SLC39A11: variants seen among roughly 807,000 people sequenced by gnomAD.
SLC39A11 encodes the protein zinc transporter ZIP11.
SLC39A11 carries 33 observed loss-of-function variants against 36.1 expected under a neutral mutation model. The observed-to-expected ratio is 0.91, with a 90% CI of 0.69 to 1.22. SLC39A11 has a LOEUF of 1.22. Among genes scored for constraint, SLC39A11 ranks in the 50% most tolerant of loss-of-function variants. SLC39A11 has a pLI of 0.00. For synonymous variants in SLC39A11, 166 were observed against 170.3 expected, an observed-to-expected ratio of 0.97 and a Z score of 0.20; for missense variants, 432 against 430.3, an observed-to-expected ratio of 1.00 and a Z score of -0.03.
chr17:72,964,664 C>G (rs2086837105), intron 4 of SLC39A11, among the ~76,000 whole-genome samples: 1 of 152,210 alleles, frequency 6.6e-6, no homozygotes, highest in Non-Finnish European at 1.5e-5. Context: ...CAACTGTAAA[C>G]TAGTTCAACC....
At chr17:72,931,413 T>C (rs2084387296) in intron 5 of SLC39A11, among the ~76,000 whole-genome samples, 1 of 152,212 alleles carries the variant, frequency 6.6e-6, no homozygotes, top group African/African-American at 2.4e-5. Context: ...TGGCCTCACC[T>C]GCTACTGCAT....
intron 6 of SLC39A11, chr17:72,824,016 T>C (rs1007052287): frequency 1.3e-5 from 2 of 150,912 alleles, no homozygotes; most frequent in African/African-American, 4.9e-5. Flanking sequence ...CAAAGTTGTA[T>C]TCAATTTAAA....
chr17:72,662,175 G>A (rs1229891628), intron 7 of SLC39A11, among the ~76,000 whole-genome samples: 1 of 152,110 alleles, frequency 6.6e-6, no homozygotes, highest in African/African-American at 2.4e-5. Context: ...AGATGGGTGG[G>A]AGGACTGCCT....
intron 7 of SLC39A11, among the ~76,000 whole-genome samples, chr17:72,678,765 G>A (rs182315595): frequency 2.8e-4 from 42 of 152,144 alleles, no homozygotes; most frequent in African/African-American, 8.4e-4. Flanking sequence ...GGGATTCATC[G>A]ATTCACAAAT....
intron 5 of SLC39A11, among the ~76,000 whole-genome samples, chr17:72,902,861 T>C (rs2082462462): frequency 6.6e-6 from 1 of 152,186 alleles, no homozygotes; most frequent in African/African-American, 2.4e-5. Flanking sequence ...TACAGAACTA[T>C]TATAGAGTGG....
intron 5 of SLC39A11, among the ~76,000 whole-genome samples, chr17:72,857,357 C>A (rs1235560644): frequency 1.3e-5 from 2 of 152,040 alleles, no homozygotes; most frequent in Non-Finnish European, 2.9e-5. Flanking sequence ...TATATATGTA[C>A]CATATTTTCT....
intron 4 of SLC39A11, among the ~76,000 whole-genome samples, chr17:72,966,851 C>G (rs531739231): frequency 9.9e-5 from 15 of 152,276 alleles, no homozygotes; most frequent in South Asian, 8.3e-4. Context: ...TTACAGGCGT[C>G]AGCCACCACG....
At chr17:72,690,353 G>A (rs539711124) in intron 7 of SLC39A11, among the ~76,000 whole-genome samples, 27 of 152,306 alleles carry the variant, frequency 1.8e-4, no homozygotes, top group African/African-American at 6.3e-4. Context: ...GATACACGTC[G>A]GAGAATTCCC....
At chr17:72,703,849 C>T (rs1174166839) in intron 7 of SLC39A11, among the ~76,000 whole-genome samples, 4 of 152,158 alleles carry the variant, frequency 2.6e-5, no homozygotes, top group Non-Finnish European at 4.4e-5. Context: ...AACTGTTGGC[C>T]GGGGGTGGTG....
chr17:72,891,198 GA>G (rs1286165593), intron 5 of SLC39A11, among the ~76,000 whole-genome samples: 1 of 152,076 alleles, frequency 6.6e-6, no homozygotes, highest in African/African-American at 2.4e-5. Context: ...AAGGTGAGTG[GA>G]TCACCCGAGG....
chr17:72,948,261 G>A (rs529217147), intron 4 of SLC39A11, among the ~76,000 whole-genome samples: 35 of 146,580 alleles, frequency 2.4e-4, no homozygotes, highest in Non-Finnish European at 3.7e-4. Context: ...CACTGCAAGC[G>A]TCATCGCCGC....
intron 6 of SLC39A11, among the ~76,000 whole-genome samples, chr17:72,810,416 A>G (rs1038201859): frequency 6.6e-6 from 1 of 152,258 alleles, no homozygotes; most frequent in African/African-American, 2.4e-5. Context: ...AGTAAAAAAC[A>G]TGTAATCAAC....
At chr17:72,946,102 T>C (rs979681039) in intron 5 of SLC39A11, among the ~76,000 whole-genome samples, 1 of 152,192 alleles carries the variant, frequency 6.6e-6, no homozygotes, top group Non-Finnish European at 1.5e-5. Flanking sequence ...GAACTCAGCA[T>C]GAAAAATGAC....
In SLC39A11 at chr17:72,679,782, G is replaced by A. The variant is rs2071430153; in HGVS notation, c.672-30514C>T. Among the ~76,000 whole-genome samples the A allele has an allele frequency of 2.6e-5, 4 of 152,236 alleles. No individual in the cohort carries two copies. The South Asian group carries it at 6.2e-4, about 24-fold the overall frequency. On this transcript the variant is annotated intron_variant, in intron 7 of 9. Transcript: ENST00000255559. Reference sequence around the variant, plus strand: ...AAATTGGCTGGGCACGGTGGCTCACGCCTGTAATCCCAGCACTTTGGGAGG... The same window carrying A: ...AAATTGGCTGGGCACGGTGGCTCACACCTGTAATCCCAGCACTTTGGGAGG...
At chr17:72,668,908 G>C (rs1052507957) in intron 7 of SLC39A11, among the ~76,000 whole-genome samples, 4 of 152,212 alleles carry the variant, frequency 2.6e-5, no homozygotes, top group African/African-American at 9.7e-5. Context: ...GACAGAAAAG[G>C]CAGGGTACCT....
chr17:72,698,439 C>T (rs1227428234), intron 7 of SLC39A11, among the ~76,000 whole-genome samples: 2 of 110,990 alleles, frequency 1.8e-5, no homozygotes, highest in African/African-American at 6.6e-5. Context: ...TGTATATTTA[C>T]AAGTCTCCAT....
intron 6 of SLC39A11, among the ~76,000 whole-genome samples, chr17:72,797,559 G>A (rs1381185435): frequency 6.6e-6 from 1 of 152,118 alleles, no homozygotes; most frequent in Non-Finnish European, 1.5e-5. Flanking sequence ...GCCAAGTAAA[G>A]GGTTGAGGAG....
At chr17:72,798,083 C>T (rs1382534798) in intron 6 of SLC39A11, among the ~76,000 whole-genome samples, 2 of 151,998 alleles carry the variant, frequency 1.3e-5, no homozygotes, top group South Asian at 2.1e-4. Flanking sequence ...CGTTTGGGCA[C>T]GTGGAGATGG....
intron 6 of SLC39A11, among the ~76,000 whole-genome samples, chr17:72,756,684 A>G (rs1454323337): frequency 6.6e-6 from 1 of 152,230 alleles, no homozygotes; most frequent in Non-Finnish European, 1.5e-5. Context: ...CAAGATAGAA[A>G]GAATTCTGGA....
Sources: allele counts gnomAD v4.1 joint callset (sites outside exome capture counted in the v4.1 genomes callset), GRCh38; gene constraint gnomAD v4.1.1; transcripts MANE v1.5; gene names NCBI Gene and HGNC (gene_info 2026-07-23, HGNC 2026-07-21).